MTM1: variants seen among roughly 807,000 people sequenced by gnomAD.
MTM1 encodes the protein myotubularin 1.
A neutral mutation model predicts 52.1 loss-of-function variants in MTM1; 9 were observed. The ratio of observed to expected loss-of-function variants is 0.17; its 90% CI spans 0.10 to 0.30. The LOEUF is 0.30. Among genes scored for constraint, MTM1 ranks in the 10% least tolerant of loss-of-function variants. The probability of loss-of-function intolerance (pLI) is 1.00; values close to 1 mark genes in which losing one functional copy is unlikely to be tolerated. For missense variants in MTM1, 277 were observed against 470.7 expected (o/e 0.59, Z 3.81); for synonymous variants, 136 against 163.8 (o/e 0.83, Z 1.29).
At chrX:150,576,760 C>T (rs1336307345) in intron 1 of MTM1, among the ~76,000 whole-genome samples, 1 of 111,809 alleles carries the variant, frequency 8.9e-6, no homozygotes, top group Non-Finnish European at 1.9e-5. Context: ...ATTTCATACA[C>T]TATTCAGCCT....
chrX:150,606,939 T>TCGGTTCCCTCCCTTCCCG (rs1557412846), intron 4 of MTM1, among the ~76,000 whole-genome samples: 1 of 19,808 alleles, frequency 5.0e-5, no homozygotes, highest in East Asian at 2.8e-3. Context: ...CTCCCTTCCC[T>TCGGTTCCCTCCCTTCCCG]TCCCTCCCCT....
chrX:150,589,276 C>CA (rs1278845883), intron 1 of MTM1, among the ~76,000 whole-genome samples: 2 of 110,989 alleles, frequency 1.8e-5, no homozygotes, highest in Non-Finnish European at 3.8e-5. Context: ...GACCTTGTCA[C>CA]ACACCCTCTA....
At chrX:150,634,349 C>T (rs782643734) in intron 6 of MTM1, among the ~76,000 whole-genome samples, 2 of 112,238 alleles carry the variant, frequency 1.8e-5, no homozygotes, top group Non-Finnish European at 3.8e-5. Flanking sequence ...GAAATCAGTG[C>T]ATCTTTATAT....
intron 1 of MTM1, 109 bp from the exon 2 acceptor site, chrX:150,592,496 G>A (rs2148425268): frequency 5.1e-6 from 3 of 588,779 alleles, no homozygotes; most frequent in Non-Finnish European, 2.9e-6. Context: ...AATAGAACCT[G>A]TAAAGTAGTA....
At chrX:150,627,773 G>A (rs2039594830) in intron 6 of MTM1, among the ~76,000 whole-genome samples, 1 of 111,663 alleles carries the variant, frequency 9.0e-6, no homozygotes. Context: ...AATACTCTGA[G>A]CATATGACTG....
intron 6 of MTM1, among the ~76,000 whole-genome samples, chrX:150,620,588 C>T (rs782817509): frequency 5.4e-5 from 6 of 111,841 alleles, no homozygotes; most frequent in African/African-American, 6.5e-5. Context: ...TTCTGTATTC[C>T]TGCACCATCT....
chrX:150,610,262 G>A (rs1226289816), intron 4 of MTM1, among the ~76,000 whole-genome samples: 1 of 111,278 alleles, frequency 9.0e-6, no homozygotes, highest in East Asian at 2.8e-4. Context: ...ACCTGGCATT[G>A]TAGTTACTTG....
intron 6 of MTM1, among the ~76,000 whole-genome samples, chrX:150,622,206 A>G (rs1282505763): frequency 9.1e-6 from 1 of 110,325 alleles, no homozygotes; most frequent in Non-Finnish European, 1.9e-5. Context: ...AAAAAAAAAA[A>G]AAAAAAGTCA....
Position 150,570,162 on chromosome X carries a change from T to C in MTM1, c.-11+1500T>C, listed in dbSNP as rs181539761. On this transcript the variant is annotated intron_variant, in intron 1 of 14. Coordinates refer to ENST00000370396, the MANE Select transcript of MTM1 (RefSeq NM_000252.3). ...ACACAAGAATGCCAACGGTGGGCAC[T>C]GGGAAGACAGCAAAGAGCCCCACTG... Among the ~76,000 whole-genome samples the C allele has an allele frequency of 6.1e-3, 679 of 111,797 alleles. 5 individuals carry two copies. Among genetic ancestry groups the C allele is most frequent in the African/African-American group, 0.021 (652 of 30,666 alleles).
chrX:150,585,894 G>A (rs2038778966), intron 1 of MTM1, among the ~76,000 whole-genome samples: 1 of 111,754 alleles, frequency 8.9e-6, no homozygotes, highest in Admixed American at 9.5e-5. Context: ...CACAGCTCAT[G>A]CCACTAAAGC....
intron 7 of MTM1, among the ~76,000 whole-genome samples, chrX:150,640,578 T>G (rs2039831122): frequency 8.9e-6 from 1 of 111,953 alleles, no homozygotes; most frequent in South Asian, 3.7e-4. Flanking sequence ...TAAATACAAT[T>G]TTGTGGGGGA....
chrX:150,603,032 T>C (rs782246429), intron 4 of MTM1, among the ~76,000 whole-genome samples: 74 of 112,126 alleles, frequency 6.6e-4, no homozygotes, highest in African/African-American at 2.2e-3. Context: ...ATTATGCCAG[T>C]GTAGCAAGTC....
intron 7 of MTM1, among the ~76,000 whole-genome samples, chrX:150,640,817 G>C (rs1433007071): frequency 2.7e-5 from 3 of 111,249 alleles, no homozygotes; most frequent in Non-Finnish European, 5.7e-5. Flanking sequence ...CTTTGGAGCA[G>C]ACTGAAGCAT....
chrX:150,577,555 G>C (rs887820423), intron 1 of MTM1, among the ~76,000 whole-genome samples: 25 of 112,249 alleles, frequency 2.2e-4, no homozygotes, highest in African/African-American at 7.4e-4. Flanking sequence ...TTATGTGCTT[G>C]TTGGCCATTA....
intron 7 of MTM1, among the ~76,000 whole-genome samples, chrX:150,640,874 A>G (rs2039836437): frequency 9.1e-6 from 1 of 110,037 alleles, no homozygotes; most frequent in Admixed American, 9.7e-5. Context: ...TCTCTTTTCT[A>G]CCCTCAGTTA....
intron 14 of MTM1, among the ~76,000 whole-genome samples, chrX:150,667,135 G>A (rs990354291): frequency 4.3e-4 from 48 of 111,941 alleles, no homozygotes; most frequent in African/African-American, 1.5e-3. Context: ...CCAGAGTCAA[G>A]GCGCAAGTCC....
chrX:150,633,786 C>G (rs1342580584), intron 6 of MTM1, among the ~76,000 whole-genome samples: 2 of 112,237 alleles, frequency 1.8e-5, no homozygotes, highest in African/African-American at 6.5e-5. Context: ...AAGCCAAGCA[C>G]TTTGAAAGGC....
At chrX:150,594,531 T>TA (rs1557412564) in intron 2 of MTM1, among the ~76,000 whole-genome samples, 2 of 112,457 alleles carry the variant, frequency 1.8e-5, no homozygotes, top group African/African-American at 6.5e-5. Flanking sequence ...TTAAAGTTTT[T>TA]ATGTGATCAC....
intron 6 of MTM1, among the ~76,000 whole-genome samples, chrX:150,627,078 C>G (rs941411647): frequency 2.7e-5 from 3 of 111,281 alleles, no homozygotes; most frequent in African/African-American, 9.8e-5. Flanking sequence ...GCATTGTTGT[C>G]TATGGTCAGA....
Sources: allele counts gnomAD v4.1 joint callset (sites outside exome capture counted in the v4.1 genomes callset), GRCh38; gene constraint gnomAD v4.1.1; transcripts MANE v1.5; gene names NCBI Gene and HGNC (gene_info 2026-07-23, HGNC 2026-07-21).